ZFPM2: variants seen among roughly 807,000 people sequenced by gnomAD.
ZFPM2 encodes zinc finger protein ZFPM2.
Under a neutral mutation model 98.6 loss-of-function variants are expected in ZFPM2, and 20 were observed. The ratio of observed to expected loss-of-function variants is 0.20; its 90% CI spans 0.14 to 0.29. The LOEUF (loss-of-function observed/expected upper bound fraction) is 0.29, where lower values mean the gene tolerates loss of function less well. ZFPM2 is among the 10% of genes least tolerant of loss of function. The pLI is 1.00. For missense variants in ZFPM2, 1,310 were observed against 1,388.6 expected (o/e 0.94, Z 0.90); for synonymous variants, 518 against 502.7 (o/e 1.03, Z -0.41).
chr8:105,339,109 A>G (rs1226265933), intron 1 of ZFPM2, among the ~76,000 whole-genome samples: 1 of 151,784 alleles, frequency 6.6e-6, no homozygotes, highest in African/African-American at 2.4e-5. Context: ...CTCTTACAGC[A>G]TTGTTTTGTA....
chr8:105,793,974 T>C (rs1813708885), intron 6 of ZFPM2, among the ~76,000 whole-genome samples: 2 of 152,296 alleles, frequency 1.3e-5, no homozygotes, highest in South Asian at 4.1e-4. Context: ...AGTTATACAT[T>C]CGTCTAAATT....
Position 105,569,344 on chromosome 8 carries a change from C to G in ZFPM2, c.420+7863C>G, listed in dbSNP as rs577534537. Among the ~76,000 whole-genome samples the G allele has an allele frequency of 3.3e-5, 5 of 152,286 alleles. No individual in the cohort carries two copies. The South Asian group carries it at 1.0e-3, about 32-fold the overall frequency. On this transcript the variant is annotated intron_variant, in intron 4 of 7. Transcript: ENST00000407775. ...TCTCCATATCAGGAACAGCTGCACA[C>G]CCCTCCTTATTCAAGACCCTGCATC...
At chr8:105,407,492 C>T (rs779369023) in intron 1 of ZFPM2, among the ~76,000 whole-genome samples, 2 of 151,898 alleles carry the variant, frequency 1.3e-5, no homozygotes, top group African/African-American at 2.4e-5. Context: ...TTGTCTGTCT[C>T]TGAGGTCTTA....
At chr8:105,768,147 A>G (rs1290044525) in intron 5 of ZFPM2, among the ~76,000 whole-genome samples, 1 of 151,252 alleles carries the variant, frequency 6.6e-6, no homozygotes, top group Non-Finnish European at 1.5e-5. Flanking sequence ...CTTTTGGGTG[A>G]CATTAATTTG....
At chr8:105,669,536 ATG>A (rs71305176) in intron 5 of ZFPM2, among the ~76,000 whole-genome samples, 3,173 of 138,904 alleles carry the variant, frequency 0.023, 65 homozygotes, top group African/African-American at 0.057. Flanking sequence ...GAAAGTGTGC[ATG>A]TGTGTGTGTG....
intron 1 of ZFPM2, among the ~76,000 whole-genome samples, chr8:105,404,676 C>T (rs1197226875): frequency 6.6e-6 from 1 of 152,040 alleles, no homozygotes; most frequent in Non-Finnish European, 1.5e-5. Context: ...CATACACATA[C>T]ACTTTGAACT....
intron 4 of ZFPM2, among the ~76,000 whole-genome samples, chr8:105,586,416 A>C (rs1815716649): frequency 6.6e-6 from 1 of 151,416 alleles, no homozygotes; most frequent in African/African-American, 2.4e-5. Context: ...TTTTTTTATT[A>C]TTATTTTTTA....
intron 1 of ZFPM2, among the ~76,000 whole-genome samples, chr8:105,344,831 T>C (rs1276201104): frequency 5.9e-5 from 9 of 152,150 alleles, no homozygotes; most frequent in Admixed American, 3.9e-4. Context: ...TTATTATGAA[T>C]TCAATGATTT....
chr8:105,595,241 A>AG (rs371379562), intron 4 of ZFPM2, among the ~76,000 whole-genome samples: 24 of 152,178 alleles, frequency 1.6e-4, no homozygotes, highest in African/African-American at 4.8e-4. Flanking sequence ...AGGTCCAGGG[A>AG]GGGTGTGCCT....
intron 5 of ZFPM2, among the ~76,000 whole-genome samples, chr8:105,680,973 CTG>C (rs1393582147): frequency 3.3e-5 from 5 of 152,186 alleles, no homozygotes. Flanking sequence ...GCATCAGTAT[CTG>C]TATTTATTTA....
chr8:105,519,174 A>G (rs1813999290), intron 3 of ZFPM2, among the ~76,000 whole-genome samples: 1 of 152,138 alleles, frequency 6.6e-6, no homozygotes, highest in Non-Finnish European at 1.5e-5. Context: ...CTACTGTTAT[A>G]TAGCTAGTAA....
At chr8:105,651,047 T>C (rs1817162283) in intron 5 of ZFPM2, among the ~76,000 whole-genome samples, 1 of 152,200 alleles carries the variant, frequency 6.6e-6, no homozygotes, top group East Asian at 1.9e-4. Context: ...ACAGGTCTCC[T>C]GCAGTCTACT....
chr8:105,434,922 A>G (rs1186771300), intron 2 of ZFPM2, among the ~76,000 whole-genome samples: 1 of 152,314 alleles, frequency 6.6e-6, no homozygotes, highest in East Asian at 1.9e-4. Flanking sequence ...GCAAATCTTT[A>G]ATTTCTACAG....
intron 5 of ZFPM2, among the ~76,000 whole-genome samples, chr8:105,747,625 C>T (rs1812377875): frequency 6.6e-6 from 1 of 152,048 alleles, no homozygotes; most frequent in Non-Finnish European, 1.5e-5. Context: ...TGGGCTATAG[C>T]TTATCAACAT....
intron 5 of ZFPM2, among the ~76,000 whole-genome samples, chr8:105,667,265 C>T (rs1435574814): frequency 6.6e-6 from 1 of 152,098 alleles, no homozygotes; most frequent in Non-Finnish European, 1.5e-5. Context: ...CTTTCCAATA[C>T]TTGAAAGTTT....
intron 1 of ZFPM2, among the ~76,000 whole-genome samples, chr8:105,370,698 ACTTT>A (rs1229752756): frequency 6.6e-6 from 1 of 152,196 alleles, no homozygotes; most frequent in African/African-American, 2.4e-5. Flanking sequence ...CTTATTGAAG[ACTTT>A]CTTTGTGTTA....
chr8:105,426,368 A>G (rs1185878040), intron 2 of ZFPM2, among the ~76,000 whole-genome samples: 2 of 151,712 alleles, frequency 1.3e-5, no homozygotes, highest in Admixed American at 1.3e-4. Flanking sequence ...TGAATCTTTG[A>G]CTCCTTGTTT....
intron 5 of ZFPM2, among the ~76,000 whole-genome samples, chr8:105,772,326 T>C (rs1178162604): frequency 6.6e-6 from 1 of 152,118 alleles, no homozygotes; most frequent in Non-Finnish European, 1.5e-5. Flanking sequence ...AAGGTGAGCA[T>C]ACAGGGATTT....
intron 5 of ZFPM2, among the ~76,000 whole-genome samples, chr8:105,661,806 G>A (rs546331284): frequency 1.3e-5 from 2 of 152,160 alleles, no homozygotes; most frequent in East Asian, 1.9e-4. Context: ...TTGTCATCAC[G>A]CTTGAAGAAT....
Sources: gnomAD v4.1 joint callset for allele counts (sites outside exome capture counted in the v4.1 genomes callset) on GRCh38, gnomAD v4.1.1 for gene constraint, MANE v1.5 for transcripts, NCBI Gene and HGNC (gene_info 2026-07-23, HGNC 2026-07-21) for gene names.